Variants in SLC6A15 observed in about 807,000 individuals in gnomAD.
SLC6A15 encodes the protein sodium-dependent neutral amino acid transporter B(0)AT2.
A neutral mutation model predicts 68.5 loss-of-function variants in SLC6A15; 33 were observed. The ratio of observed to expected loss-of-function variants is 0.48; its 90% CI spans 0.37 to 0.64. The LOEUF (loss-of-function observed/expected upper bound fraction) is 0.64, where lower values mean the gene tolerates loss of function less well. SLC6A15 is among the 30% of genes least tolerant of loss of function. The pLI, the probability that SLC6A15 is intolerant of heterozygous loss-of-function variation, is 0.00. For missense variants in SLC6A15, 747 were observed against 874.3 expected, an observed-to-expected ratio of 0.85 and a Z score of 1.84; for synonymous variants, 347 against 301.0, an observed-to-expected ratio of 1.15 and a Z score of -1.58.
chr12:84,877,389 C>T (rs1871598004), intron 5 of SLC6A15, among the ~76,000 whole-genome samples: 1 of 152,114 alleles, frequency 6.6e-6, no homozygotes, highest in Non-Finnish European at 1.5e-5. Flanking sequence ...GCTGGCTGCC[C>T]CTTGGTTTAT....
intron 2 of SLC6A15, among the ~76,000 whole-genome samples, chr12:84,889,127 T>G (rs1447469472): frequency 6.6e-6 from 1 of 151,956 alleles, no homozygotes; most frequent in African/African-American, 2.4e-5. Flanking sequence ...CTTTAGTCTA[T>G]TCTCACTAGA....
intron 1 of SLC6A15, among the ~76,000 whole-genome samples, chr12:84,906,988 C>T (rs897490285): frequency 6.6e-6 from 1 of 151,840 alleles, no homozygotes; most frequent in Non-Finnish European, 1.5e-5. Context: ...AAAAAAAAAG[C>T]TTAAAAATGG....
chr12:84,910,525 T>C (rs978557121), intron 1 of SLC6A15, among the ~76,000 whole-genome samples: 16 of 152,308 alleles, frequency 1.1e-4, no homozygotes, highest in African/African-American at 3.1e-4. Flanking sequence ...AACTGCACCA[T>C]GTTGTAAGCT....
At chr12:84,885,780 C>G (rs902686535) in intron 3 of SLC6A15, 131 bp downstream of exon 3, 3 of 1,018,998 alleles carry the variant, frequency 2.9e-6, no homozygotes, top group Non-Finnish European at 4.2e-6. Flanking sequence ...AATCCATATG[C>G]CAGTAACGTT....
chr12:84,872,468 G>C, intron 8 of SLC6A15, 134 bp downstream of exon 8: 1 of 558,190 alleles, frequency 1.8e-6, no homozygotes, highest in Non-Finnish European at 3.1e-6. Context: ...GACTTATAAT[G>C]CCCAGGAGCT....
chr12:84,879,017 G>A (rs1380073887), intron 5 of SLC6A15, among the ~76,000 whole-genome samples: 1 of 151,734 alleles, frequency 6.6e-6, no homozygotes, highest in Admixed American at 6.6e-5. Flanking sequence ...ATCCTCAAAG[G>A]TTCCACACTG....
chr12:84,910,769 C>T (rs1565736412), intron 1 of SLC6A15, among the ~76,000 whole-genome samples: 1 of 152,142 alleles, frequency 6.6e-6, no homozygotes. Context: ...TAATATCCCG[C>T]GGAGCAGCAA....
intron 5 of SLC6A15, chr12:84,882,876 C>T (rs1434391026): frequency 5.8e-6 from 3 of 520,386 alleles, no homozygotes; most frequent in South Asian, 8.3e-5. Flanking sequence ...AATTACTGTT[C>T]TTACCCTAAT....
At chr12:84,862,440 T>C (rs1454772558) in intron 11 of SLC6A15, among the ~76,000 whole-genome samples, 1 of 152,204 alleles carries the variant, frequency 6.6e-6, no homozygotes, top group Non-Finnish European at 1.5e-5. Context: ...CTTAAATGTG[T>C]CATATATCTT....
rs60034973 is a variant in SLC6A15, at chr12:84,883,151, G to GAA, written c.756+706_756+707dup. 102 of 885,388 alleles carry GAA rather than the reference G, an allele frequency of 1.2e-4. No homozygotes were observed. The East Asian group carries it at 1.3e-3, about 11-fold the overall frequency. The allele number at this position is 885,388 out of a possible 1,614,324, so 54.8% of individuals were successfully genotyped here. On this transcript the variant is annotated intron_variant, in intron 5 of 11. Transcript: ENST00000266682. ...GCTTTAGAACAATGGCTGTGATAAT[G>GAA]AAAAAAAAAAAAAAAAAGTAATACG...
intron 1 of SLC6A15, among the ~76,000 whole-genome samples, chr12:84,902,290 CA>C (rs1432697157): frequency 1.3e-5 from 2 of 151,532 alleles, no homozygotes; most frequent in African/African-American, 2.4e-5. Flanking sequence ...TTTTTTTTCC[CA>C]AAAGGTGGGC....
At chr12:84,906,473 TACA>T (rs1312365988) in intron 1 of SLC6A15, among the ~76,000 whole-genome samples, 9 of 152,126 alleles carry the variant, frequency 5.9e-5, no homozygotes, top group Non-Finnish European at 1.2e-4. Flanking sequence ...TTAGAGGAGC[TACA>T]ACAATTTTAA....
intron 11 of SLC6A15, among the ~76,000 whole-genome samples, chr12:84,862,806 G>GTGATTGATAGTGACTTGCTTT (rs2120527943): frequency 6.6e-6 from 1 of 152,176 alleles, no homozygotes; most frequent in South Asian, 2.1e-4. Context: ...GATTGATTGA[G>GTGATTGATAGTGACTTGCTTT]TGATTGATAG....
At chr12:84,890,109 C>T (rs569010523) in intron 2 of SLC6A15, among the ~76,000 whole-genome samples, 3 of 152,222 alleles carry the variant, frequency 2.0e-5, no homozygotes, top group Non-Finnish European at 4.4e-5. Context: ...ATCTTTGGTA[C>T]TGTAACAACC....
intron 1 of SLC6A15, among the ~76,000 whole-genome samples, chr12:84,898,044 T>A (rs969744544): frequency 2.0e-5 from 3 of 152,184 alleles, no homozygotes; most frequent in Non-Finnish European, 4.4e-5. Context: ...TAATAGATAC[T>A]GTGTAAATAT....
At chr12:84,883,278 C>T in intron 5 of SLC6A15, 3 of 985,528 alleles carry the variant, frequency 3.0e-6, no homozygotes, top group Non-Finnish European at 3.6e-6. Flanking sequence ...AAACCACAAC[C>T]ATTCTAATTT....
chr12:84,884,914 A>T (rs1422626342), intron 4 of SLC6A15, among the ~76,000 whole-genome samples: 1 of 151,918 alleles, frequency 6.6e-6, no homozygotes, highest in Non-Finnish European at 1.5e-5. Context: ...TTCTTTAAAC[A>T]TGTTTACTTG....
chr12:84,894,308 T>C (rs528130101), intron 1 of SLC6A15, among the ~76,000 whole-genome samples: 5 of 152,304 alleles, frequency 3.3e-5, no homozygotes, highest in African/African-American at 1.2e-4. Context: ...ATAAAATGTG[T>C]TGGCATAGTA....
rs573593668 is a variant in SLC6A15 at position 84,895,262 on chromosome 12, T to A, written c.-188-2954A>T. Among the ~76,000 whole-genome samples, 6 of 151,788 alleles carry A rather than the reference T, an allele frequency of 4.0e-5. No individual in the cohort carries two copies. The South Asian group carries it at 1.2e-3, about 32-fold the overall frequency. On this transcript the variant is annotated intron_variant, in intron 1 of 11. Coordinates refer to ENST00000266682, the MANE Select transcript of SLC6A15 (RefSeq NM_182767.6). Reference sequence around the variant, plus strand: ...TGTTTAAACTTGTCTGTTGAATGAATGAACCGAAAGGTTTAAAGAATAAGA... The same window carrying A: ...TGTTTAAACTTGTCTGTTGAATGAAAGAACCGAAAGGTTTAAAGAATAAGA...
Sources: gnomAD v4.1 joint callset for allele counts (sites outside exome capture counted in the v4.1 genomes callset) on GRCh38, gnomAD v4.1.1 for gene constraint, MANE v1.5 for transcripts, NCBI Gene and HGNC (gene_info 2026-07-23, HGNC 2026-07-21) for gene names.